The following DMD variants were observed in gnomAD, a reference collection of about 807,000 sequenced individuals.
DMD encodes mutant dystrophin.
In DMD, 63 loss-of-function variants were observed where a neutral mutation model predicts 330.1. That is an observed-to-expected ratio of 0.19 (90% CI 0.16 to 0.24). The LOEUF (loss-of-function observed/expected upper bound fraction) is 0.24, where lower values mean the gene tolerates loss of function less well. Ranked by LOEUF, DMD falls within the 10% of genes least tolerant of loss-of-function variation. DMD has a pLI of 1.00. For synonymous variants in DMD, 1,223 were observed against 959.8 expected, an observed-to-expected ratio of 1.27 and a Z score of -5.07; for missense variants, 3,344 against 2,684.1, an observed-to-expected ratio of 1.25 and a Z score of -5.43.
intron 44 of DMD, among the ~76,000 whole-genome samples, chrX:32,127,920 A>G (rs991030637): frequency 8.9e-6 from 1 of 112,286 alleles, no homozygotes; most frequent in African/African-American, 3.2e-5. Flanking sequence ...CATAAATGCA[A>G]AGACATGTAT....
intron 63 of DMD, among the ~76,000 whole-genome samples, chrX:31,255,716 C>T (rs1247431697): frequency 9.1e-6 from 1 of 109,427 alleles, no homozygotes; most frequent in African/African-American, 3.3e-5. Context: ...GCCCCACCCT[C>T]AGCCCAAAGT....
intron 44 of DMD, among the ~76,000 whole-genome samples, chrX:32,049,398 A>T (rs1240023629): frequency 9.0e-6 from 1 of 111,696 alleles, no homozygotes; most frequent in Non-Finnish European, 1.9e-5. Flanking sequence ...GGGCATAAAG[A>T]GGTGAGGTAA....
chrX:32,982,437 A>G (rs185804761), intron 2 of DMD, among the ~76,000 whole-genome samples: 3 of 112,030 alleles, frequency 2.7e-5, no homozygotes, highest in Non-Finnish European at 3.8e-5. Flanking sequence ...AAAACTACCA[A>G]GAATATTTAT....
intron 13 of DMD, among the ~76,000 whole-genome samples, chrX:32,582,467 A>C (rs1377266528): frequency 1.8e-5 from 2 of 111,930 alleles, no homozygotes; most frequent in African/African-American, 6.5e-5. Context: ...AAAACTATAA[A>C]ACATTATTGA....
intron 7 of DMD, among the ~76,000 whole-genome samples, chrX:32,751,021 C>A (rs780179655): frequency 2.7e-5 from 3 of 111,873 alleles, no homozygotes; most frequent in Non-Finnish European, 3.8e-5. Flanking sequence ...TCCCTAGCTA[C>A]GTGGAACTCT....
chrX:31,692,830 A>G (rs1160938804), intron 52 of DMD, among the ~76,000 whole-genome samples: 1 of 111,864 alleles, frequency 8.9e-6, no homozygotes, highest in Non-Finnish European at 1.9e-5. Context: ...GCTTCATGGG[A>G]GAATTCTACA....
In DMD at chrX:32,259,570, C is replaced by T; in HGVS notation, c.6290+27959G>A. On this transcript the variant is annotated intron_variant, in intron 43 of 78. Transcript: ENST00000357033. ...GATATTATTATATTAAATTTATATT[C>T]ATGATGAATATAAGTAAACATTGAG... Among the ~76,000 whole-genome samples the T allele has an allele frequency of 3.6e-5, 4 of 110,917 alleles. No individual in the cohort carries two copies. The South Asian group carries it at 1.5e-3, about 41-fold the overall frequency.
At chrX:32,166,915 G>C (rs971074254) in intron 44 of DMD, among the ~76,000 whole-genome samples, 1 of 112,120 alleles carries the variant, frequency 8.9e-6, no homozygotes, top group Admixed American at 9.5e-5. Flanking sequence ...GCATTACCAT[G>C]TAGAATGGTA....
chrX:32,386,132 A>G lies in DMD; in HGVS notation c.4674+178T>C, dbSNP rs12837503. Among the ~76,000 whole-genome samples the G allele has an allele frequency of 0.017, 1,871 of 110,413 alleles. 17 individuals are homozygous for G. Among genetic ancestry groups the G allele is most frequent in the Non-Finnish European group, 0.025 (1,302 of 52,453 alleles). On this transcript the variant is annotated intron_variant, in intron 33 of 78. Transcript: ENST00000357033. ...TATGTGTATATGTTTATCTTTGTGT[A>G]TATGTGTACATATATATATATACGT... is the stretch of plus-strand genomic sequence containing the variant.
chrX:31,301,193 A>G (rs1432336904), intron 62 of DMD, among the ~76,000 whole-genome samples: 1 of 111,651 alleles, frequency 9.0e-6, no homozygotes, highest in East Asian at 2.8e-4. Context: ...GGATGCGAAG[A>G]ATCTGGAGAA....
intron 50 of DMD, among the ~76,000 whole-genome samples, chrX:31,796,491 G>A (rs1197750601): frequency 8.9e-6 from 1 of 112,059 alleles, no homozygotes; most frequent in Non-Finnish European, 1.9e-5. Context: ...TACATATCCT[G>A]AGTTAGAAAT....
chrX:31,348,234 G>A (rs1042096146), intron 61 of DMD: 3 of 277,671 alleles, frequency 1.1e-5, no homozygotes, highest in African/African-American at 2.7e-5. Context: ...TAATGATACA[G>A]AGAATACTAG....
chrX:32,844,118 G>A (rs1322618376), intron 4 of DMD, among the ~76,000 whole-genome samples: 4 of 111,808 alleles, frequency 3.6e-5, no homozygotes, highest in Non-Finnish European at 7.5e-5. Flanking sequence ...GTAAGAAACA[G>A]AGTTCACCGG....
intron 44 of DMD, among the ~76,000 whole-genome samples, chrX:32,022,525 G>C (rs1018263225): frequency 2.7e-5 from 3 of 112,371 alleles, no homozygotes; most frequent in Middle Eastern, 4.6e-3. Flanking sequence ...AGAATGTCAT[G>C]TACAAGTTCT....
Position 31,929,643 on chromosome X carries a change from C to T in DMD, c.6865G>A (p.Asp2289Asn), listed in dbSNP as rs2094827957. Reference sequence around the variant, plus strand: ...TGCTTGAGCTTATTTTCAAGTTTATCTTGCTCTTCTGGGCTTATGGGAGCA... The same window carrying T: ...TGCTTGAGCTTATTTTCAAGTTTATTTTGCTCTTCTGGGCTTATGGGAGCA... ...VSAPISPEEQDKLENKLKQTN... is the reference protein window; with the variant it reads ...VSAPISPEEQNKLENKLKQTN... The change falls in exon 47 of 79, where the codon GAT becomes AAT. Residue 2289 changes from aspartate to asparagine, a missense_variant. Coordinates refer to ENST00000357033, the MANE Select transcript of DMD (RefSeq NM_004006.3). 1 of 1,211,315 alleles carries T rather than the reference C, an allele frequency of 8.3e-7. No individual in the cohort carries two copies. The highest frequency in any genetic ancestry group is 2.3e-4 in the Middle Eastern group (1 of 4,356).
At chrX:31,842,946 C>T (rs771762016) in intron 48 of DMD, among the ~76,000 whole-genome samples, 3 of 111,688 alleles carry the variant, frequency 2.7e-5, no homozygotes, top group South Asian at 7.5e-4. Flanking sequence ...AATGTTTAGG[C>T]CCACTTATAA....
chrX:32,150,347 C>A (rs191740088), intron 44 of DMD, among the ~76,000 whole-genome samples: 1 of 112,450 alleles, frequency 8.9e-6, no homozygotes. Context: ...CTGTGAAGAA[C>A]TGACAGCACC....
intron 59 of DMD, among the ~76,000 whole-genome samples, chrX:31,469,137 G>A (rs1426571826): frequency 1.8e-5 from 2 of 111,258 alleles, no homozygotes; most frequent in Non-Finnish European, 3.8e-5. Flanking sequence ...GCCAGTCTGT[G>A]TCTTTTAATT....
In DMD at chrX:31,438,425, G is replaced by A. The variant is rs1000977791; in HGVS notation, c.9084+6056C>T. On this transcript the variant is annotated intron_variant, in intron 60 of 78. Transcript: ENST00000357033. ...CCACACCAGACCCACTGAATCATTT[G>A]AAACTTGGTATGTGGAGCCCAGTTA... is the stretch of plus-strand genomic sequence containing the variant. 1.5e-4 allele frequency among the ~76,000 whole-genome samples: 17 copies of A among 111,845 alleles called. No individual in the cohort carries two copies. The Admixed American group carries it at 1.5e-3, about 10-fold the overall frequency.
Sources: gnomAD v4.1 joint callset for allele counts (sites outside exome capture counted in the v4.1 genomes callset) on GRCh38, gnomAD v4.1.1 for gene constraint, MANE v1.5 for transcripts, NCBI Gene and HGNC (gene_info 2026-07-23, HGNC 2026-07-21) for gene names.